Variants in RSPH14 observed in about 807,000 individuals in gnomAD.
RSPH14 encodes the protein rhabdoid tumor deletion region gene 1.
In RSPH14, 20 loss-of-function variants were observed where a neutral mutation model predicts 26.7. That is an observed-to-expected ratio of 0.75 (90% confidence interval 0.53 to 1.09). The LOEUF is 1.09. RSPH14 is among the 50% of genes least tolerant of loss of function. RSPH14 has a pLI of 0.00. For synonymous variants in RSPH14, 177 were observed against 189.3 expected, an observed-to-expected ratio of 0.93 and a Z score of 0.53; for missense variants, 449 against 457.2, an observed-to-expected ratio of 0.98 and a Z score of 0.16.
At chr22:23,156,182 A>G in the RSPH14 span, 1 of 558,580 alleles carries the variant, frequency 1.8e-6, no homozygotes, top group African/African-American at 2.0e-5. Flanking sequence ...GCTTGGGAAC[A>G]GGGAAGCTGC....
the RSPH14 span, chr22:23,153,113 G>A: frequency 6.2e-7 from 1 of 1,614,018 alleles, no homozygotes; most frequent in Non-Finnish European, 8.5e-7. Flanking sequence ...GAGATTGCTG[G>A]GATTCCCTAT....
At chr22:23,109,074 G>A (rs1382795800) in intron 4 of RSPH14, among the ~76,000 whole-genome samples, 1 of 152,184 alleles carries the variant, frequency 6.6e-6, no homozygotes, top group Non-Finnish European at 1.5e-5. Flanking sequence ...TCTTCATGAG[G>A]CCTGGACAGT....
chr22:23,179,408 T>G, the RSPH14 span, among the ~76,000 whole-genome samples: 1 of 152,148 alleles, frequency 6.6e-6, no homozygotes, highest in Non-Finnish European at 1.5e-5. Context: ...CTCTCCACTG[T>G]GTCTCAGATC....
chr22:23,125,665 C>T (rs1480676296), intron 4 of RSPH14, among the ~76,000 whole-genome samples: 1 of 152,196 alleles, frequency 6.6e-6, no homozygotes, highest in Admixed American at 6.5e-5. Flanking sequence ...AGCAGGTTGC[C>T]AGAGGTGCCC....
At chr22:23,160,370 C>T in the RSPH14 span, among the ~76,000 whole-genome samples, 6 of 152,150 alleles carry the variant, frequency 3.9e-5, no homozygotes, top group South Asian at 2.1e-4. Flanking sequence ...GGGCAGTGTG[C>T]GTGTTAAGGG....
chr22:23,112,702 T>A (rs565397894), intron 4 of RSPH14, among the ~76,000 whole-genome samples: 1 of 152,182 alleles, frequency 6.6e-6, no homozygotes, highest in African/African-American at 2.4e-5. Context: ...GTAAGCACGA[T>A]GCAGCTGCGA....
intron 4 of RSPH14, among the ~76,000 whole-genome samples, chr22:23,100,905 T>C (rs1351308563): frequency 6.6e-6 from 1 of 152,208 alleles, no homozygotes; most frequent in Non-Finnish European, 1.5e-5. Flanking sequence ...ACACAGCGTG[T>C]TCCTGCCACC....
chr22:23,082,177 G>A (rs1039635755), intron 4 of RSPH14, among the ~76,000 whole-genome samples: 7 of 151,194 alleles, frequency 4.6e-5, no homozygotes, highest in South Asian at 4.2e-4. Flanking sequence ...TAATAATGTC[G>A]GAATCTGCAG....
chr22:23,089,512 TGGA>T (rs1399367167), intron 4 of RSPH14, among the ~76,000 whole-genome samples: 1 of 151,584 alleles, frequency 6.6e-6, no homozygotes, highest in Non-Finnish European at 1.5e-5. Context: ...GTTCCTAGAG[TGGA>T]GGGCATCCAG....
chr22:23,157,658 G>A, the RSPH14 span, among the ~76,000 whole-genome samples: 2 of 152,202 alleles, frequency 1.3e-5, no homozygotes, highest in African/African-American at 4.8e-5. Flanking sequence ...GAAAACTGAG[G>A]CTCTCAGCAG....
intron 4 of RSPH14, among the ~76,000 whole-genome samples, chr22:23,076,306 C>T (rs55905897): frequency 0.042 from 6,353 of 152,286 alleles, 188 homozygotes; most frequent in Middle Eastern, 0.071. Context: ...AGGGACGTTG[C>T]GGAGTCACCA....
the RSPH14 span, among the ~76,000 whole-genome samples, chr22:23,171,842 C>CAAAAAAAAAAAAA: frequency 6.5e-5 from 2 of 30,794 alleles, no homozygotes; most frequent in African/African-American, 1.7e-4. Flanking sequence ...AACTCTGTCT[C>CAAAAAAAAAAAAA]AAAAAAAAAA....
chr22:23,061,838 G>T lies in RSPH14; in HGVS notation c.761C>A (p.Ala254Asp), dbSNP rs1212647165. 6.2e-7 allele frequency: 1 copy of T among 1,614,010 alleles called. No individual in the cohort carries two copies. The highest frequency in any genetic ancestry group is 8.5e-7 in the Non-Finnish European group (1 of 1,180,028). ...VEHVKSNAAG[A>D]LMFATVITEG... The stretch of plus-strand genomic sequence containing the variant: ...AGTGATCACTGTGGCGAACATCAGG[G>T]CACCGGCAGCGTTAGACTTCACATG... The change falls in exon 6 of 7, where the codon GCC becomes GAC. Residue 254 changes from alanine to aspartate, a missense_variant. Physicochemically the swap from Ala to Asp is moderately radical, Grantham distance 126. Coordinates refer to ENST00000216036, the MANE Select transcript of RSPH14 (RefSeq NM_014433.3).
intron 4 of RSPH14, among the ~76,000 whole-genome samples, chr22:23,094,362 TG>T (rs995408215): frequency 1.3e-5 from 2 of 151,900 alleles, no homozygotes; most frequent in Non-Finnish European, 2.9e-5. Flanking sequence ...CATCCTAGGG[TG>T]TGCCCCTCCC....
chr22:23,125,960 C>T (rs768461478), intron 4 of RSPH14, among the ~76,000 whole-genome samples: 3 of 152,326 alleles, frequency 2.0e-5, no homozygotes, highest in African/African-American at 4.8e-5. Flanking sequence ...CAGATACGCA[C>T]GCAGCCCTGG....
At chr22:23,082,377 ATTT>A (rs34931887) in intron 4 of RSPH14, among the ~76,000 whole-genome samples, 4 of 116,490 alleles carry the variant, frequency 3.4e-5, no homozygotes, top group Admixed American at 1.7e-4. Context: ...ACACCTGGCT[ATTT>A]TTTTTTTTTT....
chr22:23,157,687 C>T, the RSPH14 span, among the ~76,000 whole-genome samples: 4 of 152,248 alleles, frequency 2.6e-5, no homozygotes, highest in African/African-American at 9.6e-5. Flanking sequence ...CTCACCTGAG[C>T]TCCCTTAGCC....
chr22:23,133,407 T>A (rs1345323475), intron 4 of RSPH14, among the ~76,000 whole-genome samples: 1 of 152,176 alleles, frequency 6.6e-6, no homozygotes, highest in Non-Finnish European at 1.5e-5. Flanking sequence ...TCATCTATGG[T>A]CTTATAAATT....
the RSPH14 span, chr22:23,163,553 G>A: frequency 1.4e-5 from 2 of 147,842 alleles, 1 homozygote; most frequent in South Asian, 4.3e-4. Context: ...TAAAGGGGTT[G>A]TATGTTTAGT....
Sources: gnomAD v4.1 joint callset for allele counts (sites outside exome capture counted in the v4.1 genomes callset) on GRCh38, gnomAD v4.1.1 for gene constraint, MANE v1.5 for transcripts, NCBI Gene and HGNC (gene_info 2026-07-23, HGNC 2026-07-21) for gene names.